Variants in HMGA2 observed in about 807,000 individuals in gnomAD.
The protein encoded by HMGA2 is high mobility group protein HMGI-C.
Under a neutral mutation model 19.1 loss-of-function variants are expected in HMGA2, and 8 were observed. The observed-to-expected ratio is 0.42, with a 90% CI of 0.25 to 0.76. HMGA2 has a LOEUF of 0.76. Among genes scored for constraint, HMGA2 ranks in the 30% least tolerant of loss-of-function variants. The pLI, the probability that HMGA2 is intolerant of heterozygous loss-of-function variation, is 0.28. For synonymous variants in HMGA2, 60 were observed against 48.8 expected (o/e 1.23, Z -0.96); for missense variants, 109 against 136.3 (o/e 0.80, Z 1.00).
chr12:65,825,242 C>CAGCGGCGGT lies in HMGA2; in HGVS notation c.-20_-12dup. 6.6e-7 allele frequency: 1 copy of CAGCGGCGGT among 1,511,582 alleles called. No homozygotes were observed. The allele number at this position is 1,511,582 out of a possible 1,614,324, so 93.6% of individuals were successfully genotyped here. ...CGGGGCGGTCGAGGCGAAGCGGCTG[C>CAGCGGCGGT]AGCGGCGGTAGCGGCGGCGGGAGGC... On this transcript the variant is annotated 5_prime_UTR_variant, in exon 1 of 5. Transcript: ENST00000403681. This position sits in a 1 kb window ranked among gnomAD's most constrained non-coding sequence, Gnocchi z 4.4.
intron 3 of HMGA2, among the ~76,000 whole-genome samples, chr12:65,855,448 T>A (rs1871683567): frequency 2.1e-5 from 2 of 95,064 alleles, no homozygotes; most frequent in African/African-American, 9.6e-5. Flanking sequence ...TTTCTCTCTC[T>A]CTCTCTCTCT....
chr12:65,891,106 C>T (rs1179694656), intron 3 of HMGA2, among the ~76,000 whole-genome samples: 1 of 152,162 alleles, frequency 6.6e-6, no homozygotes, highest in Non-Finnish European at 1.5e-5. Flanking sequence ...TCCATTGGAA[C>T]CAGTTGACTT....
chr12:65,851,797 A>C, intron 3 of HMGA2: 1 of 287,702 alleles, frequency 3.5e-6, no homozygotes, highest in Non-Finnish European at 7.2e-6. Context: ...ACGGTTCTGA[A>C]TGAGACTTCA....
intron 3 of HMGA2, among the ~76,000 whole-genome samples, chr12:65,925,137 T>C (rs960221283): frequency 6.6e-6 from 1 of 152,160 alleles, no homozygotes; most frequent in African/African-American, 2.4e-5. Flanking sequence ...TTTTTATAAA[T>C]AAAAAAACTC....
chr12:65,882,238 C>G, intron 3 of HMGA2: 1 of 318,470 alleles, frequency 3.1e-6, no homozygotes, highest in South Asian at 2.9e-5. Context: ...CCCCTGCCCA[C>G]CTTTTCTGTT....
intron 3 of HMGA2, among the ~76,000 whole-genome samples, chr12:65,905,448 T>A (rs1043678740): frequency 6.6e-6 from 1 of 152,110 alleles, no homozygotes; most frequent in Non-Finnish European, 1.5e-5. Flanking sequence ...GAAAAAAAAA[T>A]TACCAATATT....
chr12:65,837,479 A>G (rs1470391838), intron 2 of HMGA2, among the ~76,000 whole-genome samples: 1 of 152,226 alleles, frequency 6.6e-6, no homozygotes, highest in Admixed American at 6.5e-5. Flanking sequence ...TAACAAAAGT[A>G]AAATGTGGAA....
chr12:65,849,952 C>A (rs1871392569), intron 3 of HMGA2, among the ~76,000 whole-genome samples: 1 of 152,058 alleles, frequency 6.6e-6, no homozygotes, highest in African/African-American at 2.4e-5. Flanking sequence ...CTCCTGACCT[C>A]AAATGGTCCG....
In HMGA2 at chr12:65,881,873, TG is replaced by T. The variant is rs775264920; in HGVS notation, c.249+43306del. 7.1e-6 allele frequency: 5 copies of T among 702,730 alleles called. No individual in the cohort carries two copies. The South Asian group carries it at 7.4e-5, about 10-fold the overall frequency. 43.5% of individuals were successfully genotyped at this position (702,730 alleles called of 1,614,324 possible). ...CACTCTTTTCCCTTGCACTCAGAGG[TG>T]GCCCGAGAGAGCCCCGGTAGGTCCC... On this transcript the variant is annotated intron_variant, in intron 3 of 4. Transcript: ENST00000403681.
chr12:65,861,898 G>T (rs1019763580), intron 3 of HMGA2, among the ~76,000 whole-genome samples: 1 of 149,814 alleles, frequency 6.7e-6, no homozygotes, highest in African/African-American at 2.5e-5. Context: ...AGGCTGGAGC[G>T]CAATGGCGCG....
intron 3 of HMGA2, among the ~76,000 whole-genome samples, chr12:65,844,167 T>C (rs1871139620): frequency 6.6e-6 from 1 of 152,136 alleles, no homozygotes; most frequent in Non-Finnish European, 1.5e-5. Flanking sequence ...GAAATAACTT[T>C]GATATGACAT....
intron 3 of HMGA2, among the ~76,000 whole-genome samples, chr12:65,848,810 T>C (rs564596327): frequency 5.9e-5 from 9 of 152,028 alleles, no homozygotes; most frequent in African/African-American, 2.2e-4. Context: ...GAGCCGAGAT[T>C]GCGCCACTGC....
At chr12:65,890,709 C>T (rs972200073) in intron 3 of HMGA2, among the ~76,000 whole-genome samples, 6 of 151,544 alleles carry the variant, frequency 4.0e-5, no homozygotes, top group Non-Finnish European at 5.9e-5. Flanking sequence ...GACTATTTTA[C>T]CGCTTCTTCA....
chr12:65,963,651 G>T lies in HMGA2; in HGVS notation c.*359G>T, dbSNP rs979851883. 1 of 403,414 alleles carries T rather than the reference G, an allele frequency of 2.5e-6. No homozygotes were observed. The highest frequency in any genetic ancestry group is 4.2e-5 in the Admixed American group (1 of 23,858). 25.0% of individuals were successfully genotyped at this position (403,414 alleles called of 1,614,324 possible). A position where few individuals can be genotyped will look rare whatever the true frequency, so the allele number is the denominator to read the frequency against. On this transcript the variant is annotated 3_prime_UTR_variant, in exon 5 of 5. Coordinates refer to ENST00000403681, the MANE Select transcript of HMGA2 (RefSeq NM_003483.6). ...GGGCGGGTGAGAAAAACCGAATTGG[G>T]TTTAGTCAATCACTGCACTGCATGC...
At position 65,962,373 on chromosome 12, in the gene HMGA2, A is replaced by G. The variant is rs561179171; in HGVS notation, c.283-872A>G. Among the ~76,000 whole-genome samples the G allele has an allele frequency of 7.2e-5, 11 of 152,334 alleles. No homozygotes were observed. In the East Asian group the frequency reaches 2.1e-3, roughly 29 times the overall value. On this transcript the variant is annotated intron_variant, in intron 4 of 4. Coordinates refer to ENST00000403681, the MANE Select transcript of HMGA2 (RefSeq NM_003483.6). ...AGCCATAAGGAATCAGAAAAAGGAA[A>G]AGGGAAGGAGGAGTTAGATTTATAT...
At chr12:65,914,730 A>G (rs2121223357) in intron 3 of HMGA2, 1 of 344,372 alleles carries the variant, frequency 2.9e-6, no homozygotes, top group African/African-American at 2.1e-5. Flanking sequence ...GCTGGAGTGC[A>G]GTGGTACAAT....
At chr12:65,865,644 T>A (rs889361956) in intron 3 of HMGA2, among the ~76,000 whole-genome samples, 5 of 147,734 alleles carry the variant, frequency 3.4e-5, no homozygotes, top group African/African-American at 1.0e-4. Flanking sequence ...TTTTTTTTTT[T>A]TTTTTTTTGA....
Position 65,852,514 on chromosome 12 carries a change from A to G in HMGA2, c.249+13945A>G, listed in dbSNP as rs1871528431. 2.6e-5 allele frequency among the ~76,000 whole-genome samples: 4 copies of G among 152,086 alleles called. No homozygotes were observed. The East Asian group carries it at 7.7e-4, about 29-fold the overall frequency. ...CGAGACTCTGTTTCAAAAAATAATA[A>G]TAATAATAATTAAAATTTCATATAC... On this transcript the variant is annotated intron_variant, in intron 3 of 4. Transcript: ENST00000403681.
chr12:65,965,804 AAC>A lies in HMGA2; in HGVS notation c.*2517_*2518del, dbSNP rs1876891614. 1 of 217,380 alleles carries A rather than the reference AAC, an allele frequency of 4.6e-6. No individual in the cohort carries two copies. The highest frequency in any genetic ancestry group is 5.8e-5 in the Admixed American group (1 of 17,218). The allele number at this position is 217,380 out of a possible 1,614,324, so 13.5% of individuals were successfully genotyped here. On this transcript the variant is annotated 3_prime_UTR_variant, in exon 5 of 5. Coordinates refer to ENST00000403681, the MANE Select transcript of HMGA2 (RefSeq NM_003483.6). ...TATTTCCTGTATGTTGTACAATCAA[AAC>A]ACACTACTACCTCTTAAGTCCCAGT...
Sources: allele counts gnomAD v4.1 joint callset (sites outside exome capture counted in the v4.1 genomes callset), GRCh38; gene constraint gnomAD v4.1.1; non-coding constraint Gnocchi (gnomAD v3.1); transcripts MANE v1.5; gene names NCBI Gene and HGNC (gene_info 2026-07-23, HGNC 2026-07-21).